Variants in IL1RAPL1 observed in about 807,000 individuals in gnomAD.
IL1RAPL1 encodes the protein interleukin 1 receptor accessory protein like 1.
IL1RAPL1 carries 3 observed loss-of-function variants against 48.4 expected under a neutral mutation model. The observed-to-expected ratio is 0.06, with a 90% confidence interval of 0.03 to 0.16. IL1RAPL1 has a LOEUF of 0.16. Ranked by LOEUF, IL1RAPL1 falls within the 10% of genes least tolerant of loss-of-function variation. The pLI, the probability that IL1RAPL1 is intolerant of heterozygous loss-of-function variation, is 1.00. For missense variants in IL1RAPL1, 349 were observed against 530.6 expected, an observed-to-expected ratio of 0.66 and a Z score of 3.36; for synonymous variants, 185 against 187.7, an observed-to-expected ratio of 0.99 and a Z score of 0.12.
In IL1RAPL1 at chrX:29,396,415, A is replaced by G. The variant is rs758148661; in HGVS notation, c.520A>G (p.Thr174Ala). Residue 174 changes from threonine (T) to alanine (A), a missense_variant, in exon 4 of 11, where the codon ACC becomes GCC. Around this residue, in one of 3 missense-constraint regions of IL1RAPL1, gnomAD observed 238 missense variants for 337.8 expected, o/e 0.70. Transcript: ENST00000378993. ...TGACATAGAGGATTTTCTACTGCCAACCAGAGAACCTGAAATCCTTTGGTA... is the reference window on the plus strand; with the variant it reads ...TGACATAGAGGATTTTCTACTGCCAGCCAGAGAACCTGAAATCCTTTGGTA... ...CRDIEDFLLP[T>A]REPEILWYKE... 5.0e-6 allele frequency: 6 copies of G among 1,211,603 alleles called. No individual in the cohort carries two copies. The highest frequency in any genetic ancestry group is 6.7e-6 in the Non-Finnish European group (6 of 895,101).
chrX:29,782,118 C>CTATCTATT (rs1929358129), intron 6 of IL1RAPL1, among the ~76,000 whole-genome samples: 1 of 108,310 alleles, frequency 9.2e-6, no homozygotes, highest in Non-Finnish European at 1.9e-5. Context: ...ATCTATCTAT[C>CTATCTATT]TATCTATCTA....
chrX:29,545,044 A>G (rs1259322923), intron 5 of IL1RAPL1, among the ~76,000 whole-genome samples: 1 of 110,415 alleles, frequency 9.1e-6, no homozygotes, highest in Non-Finnish European at 1.9e-5. Flanking sequence ...CAAGTCAAGG[A>G]GAGAGGCCTT....
chrX:29,477,012 C>T (rs1168876423), intron 5 of IL1RAPL1, among the ~76,000 whole-genome samples: 1 of 105,894 alleles, frequency 9.4e-6, no homozygotes, highest in Non-Finnish European at 1.9e-5. Context: ...TCCCGAGTAG[C>T]TGGGACTACA....
At chrX:28,859,416 C>T (rs1012366008) in intron 2 of IL1RAPL1, among the ~76,000 whole-genome samples, 8 of 111,193 alleles carry the variant, frequency 7.2e-5, no homozygotes, top group African/African-American at 2.0e-4. Flanking sequence ...CGTGCCACTA[C>T]GCACAGCTAA....
At chrX:29,739,784 C>T (rs1928149481) in intron 6 of IL1RAPL1, among the ~76,000 whole-genome samples, 1 of 110,613 alleles carries the variant, frequency 9.0e-6, no homozygotes, top group Admixed American at 9.7e-5. Context: ...GGGTCCACCG[C>T]GTGGTGGCTC....
intron 6 of IL1RAPL1, among the ~76,000 whole-genome samples, chrX:29,859,981 A>T (rs1019337809): frequency 5.3e-5 from 6 of 112,268 alleles, no homozygotes; most frequent in African/African-American, 1.9e-4. Flanking sequence ...ACAATTCAAG[A>T]TAGGAAATCC....
chrX:29,768,111 A>G (rs184283861), intron 6 of IL1RAPL1, among the ~76,000 whole-genome samples: 72 of 112,067 alleles, frequency 6.4e-4, no homozygotes, highest in African/African-American at 2.2e-3. Context: ...CTTACAAATC[A>G]TACTTATTTC....
chrX:28,683,736 C>T (rs1170741925), intron 1 of IL1RAPL1, among the ~76,000 whole-genome samples: 2 of 112,548 alleles, frequency 1.8e-5, no homozygotes, highest in South Asian at 7.4e-4. Context: ...TTTCTGGAGG[C>T]TCTAGTTAAG....
intron 5 of IL1RAPL1, among the ~76,000 whole-genome samples, chrX:29,526,971 A>G (rs903214874): frequency 8.9e-6 from 1 of 112,085 alleles, no homozygotes; most frequent in Non-Finnish European, 1.9e-5. Context: ...CTAAAAAGGA[A>G]AAGCTATGAC....
intron 2 of IL1RAPL1, among the ~76,000 whole-genome samples, chrX:29,206,773 T>C (rs1930674259): frequency 9.0e-6 from 1 of 111,581 alleles, no homozygotes. Context: ...TTTTAAAAGA[T>C]ATATGTACTG....
intron 3 of IL1RAPL1, among the ~76,000 whole-genome samples, chrX:29,367,096 G>A (rs1240653277): frequency 1.8e-5 from 2 of 111,405 alleles, no homozygotes; most frequent in East Asian, 5.6e-4. Flanking sequence ...GAAATCATGT[G>A]TAATTAGCAA....
intron 2 of IL1RAPL1, among the ~76,000 whole-genome samples, chrX:28,936,148 G>A (rs763521256): frequency 9.0e-6 from 1 of 111,069 alleles, no homozygotes; most frequent in Non-Finnish European, 1.9e-5. Flanking sequence ...TATCCCTCAT[G>A]CTGAATCGAG....
intron 6 of IL1RAPL1, among the ~76,000 whole-genome samples, chrX:29,679,560 TA>T (rs1361168631): frequency 1.2e-4 from 14 of 112,031 alleles, no homozygotes; most frequent in Non-Finnish European, 1.9e-5. Context: ...TTAAACAAGA[TA>T]TTGTTCTTAG....
intron 6 of IL1RAPL1, among the ~76,000 whole-genome samples, chrX:29,711,069 T>TACACACACACACACACACACAC (rs745317897): frequency 8.1e-5 from 7 of 86,449 alleles, no homozygotes; most frequent in African/African-American, 2.9e-4. Context: ...TGTGTGTGTA[T>TACACACACACACACACACACAC]ACACACACAC....
At position 28,762,823 on chromosome X, in the gene IL1RAPL1, CAGAG is replaced by C. The variant is rs146402299; in HGVS notation, c.-24-26471_-24-26468del. On this transcript the variant is annotated intron_variant, in intron 1 of 10. Transcript: ENST00000378993. ...ACACACACACACACACACACACACA[CAGAG>C]AGAGAGAGAGAGAGAGAGAGAGAGA... Among the ~76,000 whole-genome samples, 167 of 36,743 alleles carry C rather than the reference CAGAG, an allele frequency of 4.5e-3. 1 individual carries two copies. The highest frequency in any genetic ancestry group is 0.026 in the Middle Eastern group (1 of 39). The allele number at this position is 36,743 out of a possible 115,157, so 31.9% of individuals were successfully genotyped here.
At chrX:28,591,390 A>G (rs1157944193) in intron 1 of IL1RAPL1, among the ~76,000 whole-genome samples, 7 of 112,192 alleles carry the variant, frequency 6.2e-5, no homozygotes, top group Admixed American at 5.7e-4. Flanking sequence ...AACTTTGAAG[A>G]TTTATATTTC....
chrX:29,148,150 CAT>C (rs1929386830), intron 2 of IL1RAPL1, among the ~76,000 whole-genome samples: 1 of 111,450 alleles, frequency 9.0e-6, no homozygotes, highest in African/African-American at 3.3e-5. Flanking sequence ...CAAATACAGT[CAT>C]ATATACATAC....
At chrX:29,629,627 G>A (rs781472612) in intron 5 of IL1RAPL1, among the ~76,000 whole-genome samples, 1 of 112,003 alleles carries the variant, frequency 8.9e-6, no homozygotes, top group Admixed American at 9.5e-5. Context: ...TAGGTGGTGT[G>A]TTGCATAGCT....
At chrX:29,371,126 C>A in intron 3 of IL1RAPL1, among the ~76,000 whole-genome samples, 1 of 56,709 alleles carries the variant, frequency 1.8e-5, no homozygotes, top group Non-Finnish European at 3.1e-5. Flanking sequence ...TCTAAATGTA[C>A]TTTTTTTTTT....
Sources: allele counts gnomAD v4.1 joint callset (sites outside exome capture counted in the v4.1 genomes callset), GRCh38; gene constraint gnomAD v4.1.1; regional missense constraint gnomAD v4.1.1; transcripts MANE v1.5; gene names NCBI Gene and HGNC (gene_info 2026-07-23, HGNC 2026-07-21).